Variants in EPB41L1 observed in about 807,000 individuals in gnomAD.
EPB41L1 encodes the protein erythrocyte membrane protein band 4.1 like 1.
A neutral mutation model predicts 97.8 loss-of-function variants in EPB41L1; 29 were observed. That is an observed-to-expected ratio of 0.30 (90% CI 0.22 to 0.40). EPB41L1 has a LOEUF of 0.40. Ranked by LOEUF, EPB41L1 falls within the 10% of genes least tolerant of loss-of-function variation. EPB41L1 has a pLI of 1.00. For synonymous variants in EPB41L1, 383 were observed against 459.2 expected, an observed-to-expected ratio of 0.83 and a Z score of 2.12; for missense variants, 812 against 1,162.3, an observed-to-expected ratio of 0.70 and a Z score of 4.38.
Position 36,178,134 on chromosome 20 carries a change from A to G in EPB41L1, c.447+78A>G, listed in dbSNP as rs1240499200. The G allele has an allele frequency of 3.9e-6, 4 of 1,037,856 alleles. No homozygotes were observed. The African/African-American group carries it at 6.2e-5, about 16-fold the overall frequency. The allele number at this position is 1,037,856 out of a possible 1,614,324, so 64.3% of individuals were successfully genotyped here. On this transcript the variant is annotated intron_variant, in intron 4 of 21. Coordinates refer to ENST00000338074, the MANE Select transcript of EPB41L1 (RefSeq NM_012156.2). ...ATCCTGGCCACCCCCAACAGCATCCATTAGTGCTCAAATCATTAAGCATCT... is the reference window on the plus strand; with the variant it reads ...ATCCTGGCCACCCCCAACAGCATCCGTTAGTGCTCAAATCATTAAGCATCT...
intron 2 of EPB41L1, among the ~76,000 whole-genome samples, chr20:36,131,820 C>T (rs570217484): frequency 5.9e-5 from 9 of 152,282 alleles, no homozygotes; most frequent in Non-Finnish European, 1.2e-4. Flanking sequence ...CAGGCTACTG[C>T]TGTGGATGGT....
At chr20:36,148,296 C>T (rs6058415) in intron 2 of EPB41L1, among the ~76,000 whole-genome samples, 85 of 152,176 alleles carry the variant, frequency 5.6e-4, no homozygotes, top group African/African-American at 1.8e-3. Context: ...GGTGGCAGGA[C>T]GGAGACAGAG....
chr20:36,168,100 C>T (rs981175028), intron 1 of EPB41L1, among the ~76,000 whole-genome samples: 2 of 152,200 alleles, frequency 1.3e-5, no homozygotes, highest in African/African-American at 4.8e-5. Flanking sequence ...GCAGGCCACC[C>T]AGATAAACAG....
At chr20:36,203,070 C>T (rs1433210279) in intron 14 of EPB41L1, among the ~76,000 whole-genome samples, 2 of 152,190 alleles carry the variant, frequency 1.3e-5, no homozygotes, top group South Asian at 2.1e-4. Flanking sequence ...AGAATGGCTG[C>T]GGGGCTGCGG....
At chr20:36,130,975 A>AT (rs778904971) in intron 2 of EPB41L1, among the ~76,000 whole-genome samples, 1,306 of 124,316 alleles carry the variant, frequency 0.011, 19 homozygotes, top group African/African-American at 0.027. Flanking sequence ...CACCCGGCTA[A>AT]TTTTTTTTTT....
At chr20:36,097,650 G>A (rs1265202483) in intron 1 of EPB41L1, among the ~76,000 whole-genome samples, 1 of 152,208 alleles carries the variant, frequency 6.6e-6, no homozygotes, top group Non-Finnish European at 1.5e-5. Flanking sequence ...CTGCCAGGGT[G>A]TGGCTGTTTA....
chr20:36,098,132 T>G (rs1488085091), intron 1 of EPB41L1, among the ~76,000 whole-genome samples: 1 of 152,168 alleles, frequency 6.6e-6, no homozygotes, highest in Non-Finnish European at 1.5e-5. Context: ...CTTTTTCCTC[T>G]GTAAGCCTGT....
chr20:36,158,468 C>G (rs1035692300), intron 1 of EPB41L1, among the ~76,000 whole-genome samples: 1 of 152,150 alleles, frequency 6.6e-6, no homozygotes, highest in Non-Finnish European at 1.5e-5. Flanking sequence ...GGGAAGGGCA[C>G]CCACTTCCCC....
chr20:36,158,823 A>C (rs1320262991), intron 1 of EPB41L1, among the ~76,000 whole-genome samples: 2 of 152,184 alleles, frequency 1.3e-5, no homozygotes, highest in Non-Finnish European at 2.9e-5. Context: ...CTCAGTAAAC[A>C]TTACTTCTCT....
intron 11 of EPB41L1, among the ~76,000 whole-genome samples, chr20:36,193,856 G>C (rs1199834921): frequency 1.3e-5 from 2 of 152,186 alleles, no homozygotes; most frequent in African/African-American, 4.8e-5. Flanking sequence ...ATATACATTA[G>C]CTTGTTCATT....
At chr20:36,121,659 G>C (rs998075442) in intron 2 of EPB41L1, 9 of 152,120 alleles carry the variant, frequency 5.9e-5, no homozygotes, top group African/African-American at 2.2e-4. Context: ...GGGTCTCACA[G>C]GCCCTGGAAG....
chr20:36,186,415 C>T (rs774724001), intron 7 of EPB41L1, among the ~76,000 whole-genome samples: 11 of 151,994 alleles, frequency 7.2e-5, no homozygotes, highest in East Asian at 3.9e-4. Context: ...GTTCTGTGGG[C>T]GTTATCTGGA....
chr20:36,210,260 G>A (rs985438108), intron 15 of EPB41L1, among the ~76,000 whole-genome samples: 1 of 152,114 alleles, frequency 6.6e-6, no homozygotes, highest in Admixed American at 6.5e-5. Context: ...AAAGCTGAAT[G>A]GTTTTTCCTG....
rs558435995 is a variant in EPB41L1, at chr20:36,176,638, T to C, written c.342+923T>C. On this transcript the variant is annotated intron_variant, in intron 3 of 21. Transcript: ENST00000338074. The stretch of plus-strand genomic sequence containing the variant: ...TATTTTTTCTTTTTTTTCTTTTTTT[T>C]TTTTTTTTGTTGAGACAGAGTCTTG... 2.3e-3 allele frequency among the ~76,000 whole-genome samples: 343 copies of C among 149,588 alleles called. 2 individuals are homozygous for C. The highest frequency in any genetic ancestry group is 4.3e-3 in the Non-Finnish European group (289 of 67,152).
At chr20:36,182,607 A>C (rs2061517375) in intron 6 of EPB41L1, among the ~76,000 whole-genome samples, 1 of 152,246 alleles carries the variant, frequency 6.6e-6, no homozygotes, top group South Asian at 2.1e-4. Context: ...TGTAGATTTA[A>C]GAGGACAGAA....
At chr20:36,168,285 G>A (rs1360340535) in intron 1 of EPB41L1, among the ~76,000 whole-genome samples, 1 of 152,228 alleles carries the variant, frequency 6.6e-6, no homozygotes. Context: ...TACAGGCGCT[G>A]TCAGCATTTA....
intron 14 of EPB41L1, chr20:36,208,368 AG>A: frequency 1.3e-5 from 6 of 450,316 alleles, no homozygotes; most frequent in South Asian, 3.1e-5. Context: ...ACCCCTGGGA[AG>A]GGGGGGCGCC....
At position 36,177,937 on chromosome 20, in the gene EPB41L1, T is replaced by C; in HGVS notation, c.343-15T>C. Reference sequence around the variant, plus strand: ...GTGTGCTTCAGCCTCATAGCTGCTCTGCTTCCCTCCTTAGAAACATGGCCG... The same window carrying C: ...GTGTGCTTCAGCCTCATAGCTGCTCCGCTTCCCTCCTTAGAAACATGGCCG... On this transcript the variant is annotated splice_polypyrimidine_tract_variant and intron_variant, in intron 3 of 21. Coordinates refer to ENST00000338074, the MANE Select transcript of EPB41L1 (RefSeq NM_012156.2). 1.2e-6 allele frequency: 2 copies of C among 1,610,380 alleles called. No homozygotes were observed. The highest frequency in any genetic ancestry group is 1.7e-6 in the Non-Finnish European group (2 of 1,176,600).
At chr20:36,160,589 CAAA>C (rs1245114940) in intron 1 of EPB41L1, among the ~76,000 whole-genome samples, 2 of 113,354 alleles carry the variant, frequency 1.8e-5, no homozygotes. Flanking sequence ...GACTCCGTCA[CAAA>C]AAAAAAAAAG....
Sources: allele counts gnomAD v4.1 joint callset (sites outside exome capture counted in the v4.1 genomes callset), GRCh38; gene constraint gnomAD v4.1.1; transcripts MANE v1.5; gene names NCBI Gene and HGNC (gene_info 2026-07-23, HGNC 2026-07-21).